LRRC2: variants seen among roughly 807,000 people sequenced by gnomAD.
LRRC2 encodes leucine-rich repeat-containing protein 2.
Under a neutral mutation model 40.2 loss-of-function variants are expected in LRRC2, and 27 were observed. The observed-to-expected ratio is 0.67, with a 90% confidence interval of 0.49 to 0.93. The LOEUF is 0.93. Ranked by LOEUF, LRRC2 falls within the 40% of genes least tolerant of loss-of-function variation. The pLI is 0.00. For synonymous variants in LRRC2, 147 were observed against 158.9 expected, an observed-to-expected ratio of 0.92 and a Z score of 0.56; for missense variants, 402 against 439.6, an observed-to-expected ratio of 0.91 and a Z score of 0.76.
chr3:46,555,597 T>C (rs887019590), intron 1 of LRRC2, among the ~76,000 whole-genome samples: 7 of 152,208 alleles, frequency 4.6e-5, no homozygotes, highest in African/African-American at 9.6e-5. Context: ...TTAGAAACAG[T>C]ATGTTACCAC....
chr3:46,532,162 T>A (rs2106996756), intron 5 of LRRC2, among the ~76,000 whole-genome samples: 1 of 152,306 alleles, frequency 6.6e-6, no homozygotes, highest in East Asian at 1.9e-4. Flanking sequence ...GATAAATAAA[T>A]CAGGATCTGC....
At chr3:46,560,233 G>C (rs1704904813) in intron 1 of LRRC2, among the ~76,000 whole-genome samples, 1 of 152,194 alleles carries the variant, frequency 6.6e-6, no homozygotes, top group Non-Finnish European at 1.5e-5. Flanking sequence ...AGGGTAAGGA[G>C]GAGACCCTCC....
intron 1 of LRRC2, among the ~76,000 whole-genome samples, chr3:46,563,553 A>G (rs1384330446): frequency 6.6e-6 from 1 of 152,018 alleles, no homozygotes; most frequent in Admixed American, 6.5e-5. Flanking sequence ...CCCACCTTAA[A>G]TGTTTTCTCC....
chr3:46,544,681 C>T (rs979386394), intron 3 of LRRC2, among the ~76,000 whole-genome samples: 1 of 152,328 alleles, frequency 6.6e-6, no homozygotes, highest in East Asian at 1.9e-4. Context: ...TGCTGCCCTT[C>T]GGCACTTCGG....
At chr3:46,522,760 AACACACACACACACACACACACAC>A (rs71098411) in intron 7 of LRRC2, among the ~76,000 whole-genome samples, 4 of 143,340 alleles carry the variant, frequency 2.8e-5, no homozygotes, top group African/African-American at 8.0e-5. Context: ...AACTACTGCT[AACACACACACACACACACACACAC>A]ACACACACAC....
At chr3:46,548,568 GTTC>G (rs1365338502) in intron 2 of LRRC2, among the ~76,000 whole-genome samples, 1 of 152,132 alleles carries the variant, frequency 6.6e-6, no homozygotes, top group Non-Finnish European at 1.5e-5. Flanking sequence ...TGCCATTAGA[GTTC>G]TTCTAATTAA....
chr3:46,526,704 T>C (rs534518712), intron 7 of LRRC2, among the ~76,000 whole-genome samples: 8 of 152,370 alleles, frequency 5.3e-5, no homozygotes, highest in African/African-American at 1.9e-4. Context: ...CTAGGAGTCC[T>C]GGGGAAATAT....
chr3:46,563,922 C>T (rs1413438868), intron 1 of LRRC2, among the ~76,000 whole-genome samples: 1 of 152,210 alleles, frequency 6.6e-6, no homozygotes, highest in East Asian at 1.9e-4. Flanking sequence ...GCTACAGATG[C>T]CAGTCTCCTG....
intron 6 of LRRC2, 56 bp downstream of exon 6, chr3:46,529,849 T>C: frequency 6.4e-7 from 1 of 1,554,330 alleles, no homozygotes; most frequent in South Asian, 1.1e-5. Context: ...ATGTTAACAG[T>C]GTTTGAAGCG....
chr3:46,530,018 A>G lies in LRRC2; in HGVS notation c.660T>C (p.Asp220=), dbSNP rs762539796. 8.1e-6 allele frequency: 13 copies of G among 1,613,576 alleles called. No homozygotes were observed. The highest frequency in any genetic ancestry group is 3.3e-5 in the Admixed American group (2 of 59,972). The change falls in exon 6 of 9, where the codon GAT becomes GAC. Residue 220 remains aspartate (D), a synonymous_variant. Transcript: ENST00000395905. ...LSNLKQVTFV[D]ISANKFSSVP... ...CACTGGAAAACTTGTTTGCTGAGAT[A>G]TCTACAAATGTAACTTGCTTCAAAT...
At chr3:46,528,599 T>C (rs2106988878) in intron 6 of LRRC2, among the ~76,000 whole-genome samples, 2 of 152,350 alleles carry the variant, frequency 1.3e-5, no homozygotes, top group South Asian at 4.1e-4. Context: ...CCCCTGGGAA[T>C]TTTTCTTTCA....
intron 1 of LRRC2, chr3:46,558,081 T>C (rs1267139598): frequency 6.6e-6 from 1 of 152,222 alleles, no homozygotes; most frequent in African/African-American, 2.4e-5. Context: ...AGGCCAAGGA[T>C]GCAAAGTCGC....
rs767936723 is a variant in LRRC2 at position 46,527,444 on chromosome 3, T to C, written c.911A>G (p.Asp304Gly). 6.2e-7 allele frequency: 1 copy of C among 1,613,756 alleles called. No homozygotes were observed. The highest frequency in any genetic ancestry group is 2.2e-5 in the East Asian group (1 of 44,860). ...HLVELPTALC[D>G]SSTPLKFVSL... ...TACTCACTTTAAAGGTGTGGATGAG[T>C]CACAAAGGGCAGTTGGGAGCTCCAC... The change falls in exon 7 of 9, where the codon GAC becomes GGC. Residue 304 changes from aspartate (D) to glycine (G), a missense_variant. Coordinates refer to ENST00000395905, the MANE Select transcript of LRRC2 (RefSeq NM_024512.5).
At position 46,524,842 on chromosome 3, in the gene LRRC2, G is replaced by A. The variant is rs553654504; in HGVS notation, c.929+2584C>T. ...ATTAACTATATATGGCATATATAGC[G>A]ATGTAGTACTCCAAGATTTCTTATG... On this transcript the variant is annotated intron_variant, in intron 7 of 8. Coordinates refer to ENST00000395905, the MANE Select transcript of LRRC2 (RefSeq NM_024512.5). Among the ~76,000 whole-genome samples, 30 of 151,948 alleles carry A rather than the reference G, an allele frequency of 2.0e-4. No homozygotes were observed. In the East Asian group the frequency reaches 3.1e-3, roughly 16 times the overall value.
At chr3:46,550,633 C>T (rs550081469) in intron 2 of LRRC2, among the ~76,000 whole-genome samples, 5 of 152,242 alleles carry the variant, frequency 3.3e-5, no homozygotes, top group South Asian at 4.2e-4. Context: ...CCTTGTGATC[C>T]GCCTGCCTCG....
At chr3:46,531,358 G>A (rs1465364238) in intron 5 of LRRC2, among the ~76,000 whole-genome samples, 1 of 152,088 alleles carries the variant, frequency 6.6e-6, no homozygotes, top group African/African-American at 2.4e-5. Flanking sequence ...CTTGTAATGG[G>A]TGAGTCATAT....
chr3:46,540,524 C>CAA (rs757946336), intron 3 of LRRC2, among the ~76,000 whole-genome samples: 3 of 87,348 alleles, frequency 3.4e-5, no homozygotes, highest in Admixed American at 1.4e-4. Flanking sequence ...GACTCCATCT[C>CAA]AAAAAAAAAA....
At chr3:46,520,309 A>G (rs1189937101) in intron 8 of LRRC2, among the ~76,000 whole-genome samples, 1 of 151,608 alleles carries the variant, frequency 6.6e-6, no homozygotes, top group African/African-American at 2.4e-5. Context: ...TTTACATAAT[A>G]GCACTACAAT....
At chr3:46,564,365 A>G (rs1705013338) in intron 1 of LRRC2, among the ~76,000 whole-genome samples, 1 of 147,270 alleles carries the variant, frequency 6.8e-6, no homozygotes, top group Non-Finnish European at 1.5e-5. Flanking sequence ...GACTGGAAAA[A>G]CATGTCCCCT....
Sources: allele counts gnomAD v4.1 joint callset (sites outside exome capture counted in the v4.1 genomes callset), GRCh38; gene constraint gnomAD v4.1.1; transcripts MANE v1.5; gene names NCBI Gene and HGNC (gene_info 2026-07-23, HGNC 2026-07-21).